CSMD3: variants seen among roughly 807,000 people sequenced by gnomAD.
CSMD3 encodes CUB and Sushi multiple domains 3.
In CSMD3, 177 loss-of-function variants were observed where a neutral mutation model predicts 435.2. The observed-to-expected ratio is 0.41, with a 90% CI of 0.36 to 0.46. The LOEUF is 0.46. Ranked by LOEUF, CSMD3 falls within the 20% of genes least tolerant of loss-of-function variation. The pLI is 0.34. For missense variants in CSMD3, 4,265 were observed against 4,504.6 expected, an observed-to-expected ratio of 0.95 and a Z score of 1.52; for synonymous variants, 1,656 against 1,520.5, an observed-to-expected ratio of 1.09 and a Z score of -2.07.
chr8:112,537,479 A>AT (rs777235434), intron 27 of CSMD3, among the ~76,000 whole-genome samples: 13 of 152,008 alleles, frequency 8.6e-5, no homozygotes, highest in Middle Eastern at 3.4e-3. Flanking sequence ...TAAATTAACA[A>AT]TTTTTTCTTA....
intron 3 of CSMD3, among the ~76,000 whole-genome samples, chr8:113,203,204 T>C (rs2092732493): frequency 6.6e-6 from 1 of 152,184 alleles, no homozygotes; most frequent in South Asian, 2.1e-4. Flanking sequence ...CTATGAATTA[T>C]ATGTATTGAA....
chr8:113,262,394 G>C (rs955151805), intron 3 of CSMD3, among the ~76,000 whole-genome samples: 2 of 151,880 alleles, frequency 1.3e-5, no homozygotes, highest in Non-Finnish European at 2.9e-5. Flanking sequence ...ATCTAAATAA[G>C]TCACTCAACA....
At chr8:112,519,471 G>A (rs144479705) in intron 27 of CSMD3, among the ~76,000 whole-genome samples, 5 of 152,098 alleles carry the variant, frequency 3.3e-5, no homozygotes, top group Non-Finnish European at 5.9e-5. Context: ...CAAAAGTGCT[G>A]GCCAATTTCA....
At chr8:113,317,865 A>C (rs1438195218) in intron 1 of CSMD3, among the ~76,000 whole-genome samples, 2 of 152,160 alleles carry the variant, frequency 1.3e-5, no homozygotes, top group Non-Finnish European at 2.9e-5. Context: ...TTTTAAAAAA[A>C]TCACTGGCAT....
chr8:112,597,383 C>T (rs1195475239), intron 22 of CSMD3, among the ~76,000 whole-genome samples: 1 of 148,318 alleles, frequency 6.7e-6, no homozygotes, highest in Non-Finnish European at 1.5e-5. Context: ...CAATAGTTTA[C>T]CAACCAAAAA....
At chr8:112,770,163 A>G (rs1393967050) in intron 13 of CSMD3, among the ~76,000 whole-genome samples, 3 of 152,064 alleles carry the variant, frequency 2.0e-5, no homozygotes, top group Non-Finnish European at 4.4e-5. Flanking sequence ...CGTTGGCTCC[A>G]TCAAGTAAAC....
chr8:112,960,655 T>A (rs1287454867), intron 7 of CSMD3, among the ~76,000 whole-genome samples: 1 of 151,704 alleles, frequency 6.6e-6, no homozygotes, highest in Non-Finnish European at 1.5e-5. Context: ...AGAAATGTAG[T>A]AGTACAACTA....
At chr8:112,917,648 G>C (rs1162249292) in intron 10 of CSMD3, among the ~76,000 whole-genome samples, 2 of 151,920 alleles carry the variant, frequency 1.3e-5, no homozygotes, top group Non-Finnish European at 2.9e-5. Context: ...ACTTTAATGG[G>C]ATTAATCTGT....
chr8:112,382,452 C>T (rs1829560002), intron 37 of CSMD3, among the ~76,000 whole-genome samples: 1 of 152,056 alleles, frequency 6.6e-6, no homozygotes, highest in Non-Finnish European at 1.5e-5. Flanking sequence ...ATATTTCTTT[C>T]TTTTCCTCAT....
rs931806571 is a variant in CSMD3, at chr8:113,337,037, C to G, written c.179-22244G>C. 2.6e-5 allele frequency among the ~76,000 whole-genome samples: 4 copies of G among 152,004 alleles called. No individual in the cohort carries two copies. The East Asian group carries it at 7.7e-4, about 29-fold the overall frequency. The stretch of plus-strand genomic sequence containing the variant: ...ATATATCAACTCAACGGTTTTTTGT[C>G]TTTCTGTGTTTCCATTTTCTTGGTC... On this transcript the variant is annotated intron_variant, in intron 1 of 70. Coordinates refer to ENST00000297405, the MANE Select transcript of CSMD3 (RefSeq NM_198123.2).
At chr8:113,373,518 C>T (rs1376930224) in intron 1 of CSMD3, among the ~76,000 whole-genome samples, 1 of 151,710 alleles carries the variant, frequency 6.6e-6, no homozygotes, top group Non-Finnish European at 1.5e-5. Context: ...ACACTTTCAG[C>T]TTACATTATA....
At chr8:113,247,587 T>C (rs1369885107) in intron 3 of CSMD3, among the ~76,000 whole-genome samples, 1 of 152,172 alleles carries the variant, frequency 6.6e-6, no homozygotes, top group Non-Finnish European at 1.5e-5. Flanking sequence ...AAAATGAATT[T>C]TGACAATTTT....
chr8:112,765,471 G>A (rs1273582772), intron 13 of CSMD3, among the ~76,000 whole-genome samples: 6 of 151,638 alleles, frequency 4.0e-5, no homozygotes, highest in African/African-American at 1.4e-4. Context: ...TACCTGATTC[G>A]GGACACTGTT....
intron 4 of CSMD3, among the ~76,000 whole-genome samples, chr8:113,161,972 G>T (rs1343163595): frequency 2.0e-5 from 3 of 151,932 alleles, no homozygotes; most frequent in Non-Finnish European, 2.9e-5. Flanking sequence ...ATCCTAGAAA[G>T]TGATTTTTTT....
intron 70 of CSMD3, among the ~76,000 whole-genome samples, chr8:112,227,196 A>G (rs1247491862): frequency 6.6e-6 from 1 of 152,222 alleles, no homozygotes; most frequent in Non-Finnish European, 1.5e-5. Context: ...TGATGAATGG[A>G]CACATTCATC....
At chr8:113,379,409 A>G (rs1047330212) in intron 1 of CSMD3, among the ~76,000 whole-genome samples, 2 of 152,180 alleles carry the variant, frequency 1.3e-5, no homozygotes, top group African/African-American at 4.8e-5. Context: ...GCATATAACC[A>G]TTGCAAATTT....
At chr8:112,518,057 T>G (rs1823864783) in intron 27 of CSMD3, among the ~76,000 whole-genome samples, 1 of 152,208 alleles carries the variant, frequency 6.6e-6, no homozygotes, top group African/African-American at 2.4e-5. Flanking sequence ...GGTAAATCCA[T>G]GCAATGGAAT....
intron 9 of CSMD3, among the ~76,000 whole-genome samples, chr8:112,927,727 C>T (rs1270990078): frequency 2.6e-5 from 4 of 151,850 alleles, no homozygotes; most frequent in Non-Finnish European, 5.9e-5. Flanking sequence ...TTTTTTATAC[C>T]TATTGCCTAT....
At chr8:113,217,193 T>A (rs1333053845) in intron 3 of CSMD3, among the ~76,000 whole-genome samples, 1 of 149,270 alleles carries the variant, frequency 6.7e-6, no homozygotes, top group African/African-American at 2.5e-5. Flanking sequence ...GTGTAAATTA[T>A]GCCAGTAAAG....
Sources: gnomAD v4.1 joint callset for allele counts (sites outside exome capture counted in the v4.1 genomes callset) on GRCh38, gnomAD v4.1.1 for gene constraint, MANE v1.5 for transcripts, NCBI Gene and HGNC (gene_info 2026-07-23, HGNC 2026-07-21) for gene names.